FHIP2A: variants seen among roughly 807,000 people sequenced by gnomAD.
FHIP2A encodes the protein family with sequence similarity 160 member B1.
In FHIP2A, 46 loss-of-function variants were observed where a neutral mutation model predicts 93.5. That is an observed-to-expected ratio of 0.49 (90% CI 0.39 to 0.63). The LOEUF (loss-of-function observed/expected upper bound fraction) is 0.63, where lower values mean the gene tolerates loss of function less well. FHIP2A is among the 20% of genes least tolerant of loss of function. The pLI is 0.00. For missense variants in FHIP2A, 769 were observed against 909.7 expected (o/e 0.85, Z 1.99); for synonymous variants, 332 against 326.5 (o/e 1.02, Z -0.18).
At chr10:114,853,735 A>G (rs1362615366) in intron 13 of FHIP2A, among the ~76,000 whole-genome samples, 1 of 152,226 alleles carries the variant, frequency 6.6e-6, no homozygotes, top group African/African-American at 2.4e-5. Flanking sequence ...GCGGTGGCTC[A>G]TGCCTGTAAT....
chr10:114,886,706 G>A (rs1429961083), intron 16 of FHIP2A, among the ~76,000 whole-genome samples: 1 of 151,944 alleles, frequency 6.6e-6, no homozygotes, highest in Admixed American at 6.6e-5. Flanking sequence ...CACCACACCT[G>A]GCTAATTTTT....
At chr10:114,886,616 C>T (rs2083944300) in intron 16 of FHIP2A, among the ~76,000 whole-genome samples, 1 of 152,148 alleles carries the variant, frequency 6.6e-6, no homozygotes, top group African/African-American at 2.4e-5. Context: ...GTGATATCGG[C>T]CCACTGCAAT....
rs898489803 is a variant in FHIP2A at position 114,821,939 on chromosome 10, C to T, written c.-140C>T. 9.7e-6 allele frequency: 4 copies of T among 410,468 alleles called. No individual in the cohort carries two copies. Among genetic ancestry groups the T allele is most frequent in the Non-Finnish European group, 4.0e-6 (1 of 250,316 alleles). The allele number at this position is 410,468 out of a possible 1,614,324, so 25.4% of individuals were successfully genotyped here. A position where few individuals can be genotyped will look rare whatever the true frequency, so the allele number is the denominator to read the frequency against. ...CTGAAGCGGCCGGGCCAGGCCCTGC[C>T]TCGATCCTCAGCTCGTCCTCCCCGC... On this transcript the variant is annotated 5_prime_UTR_variant, in exon 1 of 17. Coordinates refer to ENST00000369248, the MANE Select transcript of FHIP2A (RefSeq NM_020940.4).
At chr10:114,875,208 G>A (rs1009368579) in intron 16 of FHIP2A, among the ~76,000 whole-genome samples, 2 of 152,094 alleles carry the variant, frequency 1.3e-5, no homozygotes, top group African/African-American at 2.4e-5. Context: ...CTGTGCTGCG[G>A]AAGGACTGCT....
intron 16 of FHIP2A, among the ~76,000 whole-genome samples, chr10:114,891,036 T>A (rs943393251): frequency 6.0e-5 from 9 of 150,954 alleles, no homozygotes; most frequent in Admixed American, 6.6e-5. Flanking sequence ...TACAAAAAAA[T>A]TTTTTTAACT....
downstream of FHIP2A, among the ~76,000 whole-genome samples, chr10:114,867,996 C>T (rs1429703568): frequency 2.7e-5 from 4 of 149,380 alleles, no homozygotes; most frequent in African/African-American, 7.4e-5. Context: ...GGCTGGAGTG[C>T]GGTGGCACTA....
chr10:114,868,033 C>T (rs537981218), downstream of FHIP2A, among the ~76,000 whole-genome samples: 2 of 151,650 alleles, frequency 1.3e-5, no homozygotes, highest in Admixed American at 1.3e-4. Flanking sequence ...TCAACTCAAG[C>T]AATCCTGCCT....
intron 13 of FHIP2A, among the ~76,000 whole-genome samples, chr10:114,854,559 T>G (rs1229554815): frequency 6.6e-6 from 1 of 152,178 alleles, no homozygotes; most frequent in Non-Finnish European, 1.5e-5. Context: ...CAAACCCTGA[T>G]TATTTCATAG....
In FHIP2A at chr10:114,845,376, A is replaced by G. The variant is rs145768269; in HGVS notation, c.1023A>G (p.Ser341=). Residue 341 remains serine, a synonymous_variant, in exon 8 of 17, where the codon TCA becomes TCG. Transcript: ENST00000369248. ...TVEAINWGLD[S]YSHKEDASAF... is the part of the protein sequence containing the mutation. ...CTTCCTTGTCTTACAGCTTGGACTCATATAGTCATAAAGAAGATGCTTCAG... is the reference window on the plus strand; with the variant it reads ...CTTCCTTGTCTTACAGCTTGGACTCGTATAGTCATAAAGAAGATGCTTCAG... 1.4e-5 allele frequency: 23 copies of G among 1,600,536 alleles called. No individual in the cohort carries two copies. In the African/African-American group the frequency reaches 2.5e-4, roughly 18 times the overall value.
In FHIP2A at chr10:114,890,664, A is replaced by C. The variant is rs151234241; in HGVS notation, c.2193-8826A>C. ...CGTATATGACATATACGGTATATAA[A>C]ATATATACCGTATATGACATATAGT... is the stretch of plus-strand genomic sequence containing the variant. On this transcript the variant is annotated intron_variant, in intron 16 of 16. Transcript: ENST00000369250. Among the ~76,000 whole-genome samples the C allele has an allele frequency of 6.5e-3, 956 of 147,674 alleles. 6 individuals carry two copies. Among genetic ancestry groups the C allele is most frequent in the African/African-American group, 0.021 (870 of 40,620 alleles).
intron 14 of FHIP2A, among the ~76,000 whole-genome samples, chr10:114,858,573 A>G (rs1313923661): frequency 6.7e-6 from 1 of 149,854 alleles, no homozygotes; most frequent in Non-Finnish European, 1.5e-5. Context: ...TGTATTTTAA[A>G]TTTTTTCTAC....
intron 16 of FHIP2A, among the ~76,000 whole-genome samples, chr10:114,877,004 T>C (rs1269564702): frequency 6.6e-6 from 1 of 152,228 alleles, no homozygotes; most frequent in Non-Finnish European, 1.5e-5. Context: ...TGAGCAATTC[T>C]GCAGCTTTTA....
intron 5 of FHIP2A, among the ~76,000 whole-genome samples, chr10:114,839,596 C>T (rs181966080): frequency 3.9e-5 from 6 of 152,038 alleles, no homozygotes; most frequent in South Asian, 2.1e-4. Context: ...CAGTCTTTGC[C>T]GGCCGGGCGC....
intron 1 of FHIP2A, among the ~76,000 whole-genome samples, chr10:114,829,255 G>C (rs2083594453): frequency 6.6e-6 from 1 of 151,342 alleles, no homozygotes. Context: ...TGAACTTTCT[G>C]GGGAAAGGGG....
rs1175417047 is a variant in FHIP2A, at chr10:114,864,201, C to A, written c.*2661C>A. On this transcript the variant is annotated 3_prime_UTR_variant, in exon 17 of 17. Coordinates refer to ENST00000369248, the MANE Select transcript of FHIP2A (RefSeq NM_020940.4). Reference sequence around the variant, plus strand: ...CATTGTTACACTTAATTTTACAGGGCACAAATTATGGAATTACTTCATAAA... The same window carrying A: ...CATTGTTACACTTAATTTTACAGGGAACAAATTATGGAATTACTTCATAAA... 5.1e-6 allele frequency: 5 copies of A among 984,448 alleles called. No homozygotes were observed. Among genetic ancestry groups the A allele is most frequent in the Non-Finnish European group, 6.0e-6 (5 of 828,842 alleles). 61.0% of individuals were successfully genotyped at this position (984,448 alleles called of 1,614,324 possible). A position where few individuals can be genotyped will look rare whatever the true frequency, so the allele number is the denominator to read the frequency against.
chr10:114,856,016 AAG>A (rs1203020812), intron 14 of FHIP2A, among the ~76,000 whole-genome samples: 2 of 152,206 alleles, frequency 1.3e-5, no homozygotes, highest in African/African-American at 4.8e-5. Context: ...CTAAACCTGA[AAG>A]AACACAACTA....
At chr10:114,867,921 A>G (rs2083838052), downstream of FHIP2A, among the ~76,000 whole-genome samples, 1 of 151,078 alleles carries the variant, frequency 6.6e-6, no homozygotes, top group South Asian at 2.1e-4. Context: ...CTAAGGAGTT[A>G]AAATTCAGTG....
rs750213417 is a variant in FHIP2A at position 114,863,334 on chromosome 10, TTAAAC to T, written c.*1798_*1802del. 15 of 982,186 alleles carry T rather than the reference TTAAAC, an allele frequency of 1.5e-5. No individual in the cohort carries two copies. In the South Asian group the frequency reaches 5.1e-4, roughly 33 times the overall value. The allele number at this position is 982,186 out of a possible 1,614,324, so 60.8% of individuals were successfully genotyped here. On this transcript the variant is annotated 3_prime_UTR_variant, in exon 17 of 17. Transcript: ENST00000369248. Reference sequence around the variant, plus strand: ...ACAGTCTACTTTGATATATGAGTATTTAAACTAAGGCATTAAGAGATATTAGATAT... The same window carrying T: ...ACAGTCTACTTTGATATATGAGTATTTAAGGCATTAAGAGATATTAGATAT...
At chr10:114,882,986 G>A (rs920153053) in intron 16 of FHIP2A, among the ~76,000 whole-genome samples, 8 of 152,100 alleles carry the variant, frequency 5.3e-5, no homozygotes, top group South Asian at 2.1e-4. Flanking sequence ...AATGCCAGGC[G>A]GGAAAGAGCA....
Sources: allele counts gnomAD v4.1 joint callset (sites outside exome capture counted in the v4.1 genomes callset), GRCh38; gene constraint gnomAD v4.1.1; transcripts MANE v1.5; gene names NCBI Gene and HGNC (gene_info 2026-07-23, HGNC 2026-07-21).